NOMO1: variants seen among roughly 807,000 people sequenced by gnomAD.
NOMO1 encodes nodal modulator 3.
A neutral mutation model predicts 133.8 loss-of-function variants in NOMO1; 40 were observed. That is an observed-to-expected ratio of 0.30 (90% CI 0.23 to 0.39). The LOEUF is 0.39. NOMO1 is among the 10% of genes least tolerant of loss of function. The probability of loss-of-function intolerance (pLI) is 1.00; values close to 1 mark genes in which losing one functional copy is unlikely to be tolerated. For missense variants in NOMO1, 462 were observed against 1,419.9 expected, an observed-to-expected ratio of 0.33 and a Z score of 10.84; for synonymous variants, 236 against 570.5, an observed-to-expected ratio of 0.41 and a Z score of 8.36.
At chr16:14,837,116 C>CA (rs1286045594) in intron 1 of NOMO1, among the ~76,000 whole-genome samples, 1 of 151,968 alleles carries the variant, frequency 6.6e-6, no homozygotes, top group Non-Finnish European at 1.5e-5. Flanking sequence ...CTCCTGGCCT[C>CA]AAGCAGTCCT....
intron 1 of NOMO1, among the ~76,000 whole-genome samples, chr16:14,836,747 G>A (rs1400836749): frequency 7.1e-6 from 1 of 140,884 alleles, no homozygotes; most frequent in Non-Finnish European, 1.5e-5. Flanking sequence ...CGCCCAGGCC[G>A]GACTGCAGAC....
At chr16:14,838,537 A>G in intron 2 of NOMO1, 41 bp downstream of exon 2, 3 of 1,611,870 alleles carry the variant, frequency 1.9e-6, no homozygotes, top group Non-Finnish European at 2.5e-6. Flanking sequence ...GGAAATCACT[A>G]GTGTGCCTCA....
At position 14,860,223 on chromosome 16, in the gene NOMO1, C is replaced by T. The variant is rs570479572; in HGVS notation, c.1220+2568C>T. On this transcript the variant is annotated intron_variant, in intron 11 of 30. Coordinates refer to ENST00000287667, the MANE Select transcript of NOMO1 (RefSeq NM_014287.4). ...CTGTACTAAAGATACAAAAGGTTGGCGGGGCATGGTGATGCGCGCCTATAA... is the reference window on the plus strand; with the variant it reads ...CTGTACTAAAGATACAAAAGGTTGGTGGGGCATGGTGATGCGCGCCTATAA... Among the ~76,000 whole-genome samples the T allele has an allele frequency of 9.2e-5, 14 of 151,864 alleles. 1 individual carries two copies. The East Asian group carries it at 2.5e-3, about 27-fold the overall frequency.
At chr16:14,884,131 C>G (rs1366714893) in intron 26 of NOMO1, among the ~76,000 whole-genome samples, 1 of 150,750 alleles carries the variant, frequency 6.6e-6, no homozygotes, top group Non-Finnish European at 1.5e-5. Context: ...AACATGTTGG[C>G]AAGTAATTCA....
chr16:14,854,709 A>AT (rs1385522712), intron 9 of NOMO1, among the ~76,000 whole-genome samples: 1 of 126,082 alleles, frequency 7.9e-6, no homozygotes, highest in East Asian at 2.2e-4. Context: ...GTAGAAGGTG[A>AT]TAAGTGTTCT....
chr16:14,846,034 T>TC (rs1487752762), intron 4 of NOMO1, among the ~76,000 whole-genome samples: 1 of 143,628 alleles, frequency 7.0e-6, no homozygotes, highest in East Asian at 2.0e-4. Context: ...CTTTTTTTTT[T>TC]TTTTTTTTTT....
At chr16:14,874,540 C>T (rs1964126621) in intron 18 of NOMO1, among the ~76,000 whole-genome samples, 2 of 152,072 alleles carry the variant, frequency 1.3e-5, no homozygotes, top group Admixed American at 6.5e-5. Context: ...CCGGGCTCTC[C>T]GTCTTCCCAC....
rs1037383641 is a variant in NOMO1 at position 14,845,280 on chromosome 16, C to T, written c.402+506C>T. 2.3e-4 allele frequency among the ~76,000 whole-genome samples: 35 copies of T among 151,968 alleles called. 1 individual carries two copies. The highest frequency in any genetic ancestry group is 8.0e-4 in the African/African-American group (33 of 41,294). On this transcript the variant is annotated intron_variant, in intron 4 of 30. Coordinates refer to ENST00000287667, the MANE Select transcript of NOMO1 (RefSeq NM_014287.4). ...CTCAAACTCCTGACCTCAGGTGATC[C>T]GCCTGCCTCCACTTCCCATAGTGCT...
intron 28 of NOMO1, chr16:14,888,172 TC>T (rs1415950779): frequency 6.7e-6 from 1 of 149,394 alleles, no homozygotes; most frequent in African/African-American, 2.5e-5. Flanking sequence ...GGGTGACGTT[TC>T]CTCTCCTGGC....
intron 29 of NOMO1, among the ~76,000 whole-genome samples, chr16:14,891,536 T>C (rs1179372827): frequency 6.6e-6 from 1 of 152,078 alleles, no homozygotes; most frequent in African/African-American, 2.4e-5. Flanking sequence ...TGTGTTTTTT[T>C]CAGGCAGACT....
rs1239426787 is a variant in NOMO1, at chr16:14,857,733, T to C, written c.1220+78T>C. 117 of 1,599,308 alleles carry C rather than the reference T, an allele frequency of 7.3e-5. 2 individuals carry two copies. Among genetic ancestry groups the C allele is most frequent in the Non-Finnish European group, 9.6e-5 (112 of 1,170,474 alleles). On this transcript the variant is annotated intron_variant, in intron 11 of 30. Coordinates refer to ENST00000287667, the MANE Select transcript of NOMO1 (RefSeq NM_014287.4). ...GTAGAACCGAATGACCTGTGATCTG[T>C]GTGTCTTTGCCGAGCTTAAGAACTT...
intron 9 of NOMO1, among the ~76,000 whole-genome samples, chr16:14,856,785 G>C (rs1263224950): frequency 6.6e-6 from 1 of 151,970 alleles, no homozygotes; most frequent in Non-Finnish European, 1.5e-5. Context: ...ACCTTGCAGA[G>C]GTGGAATCCA....
At chr16:14,850,548 TAA>T in intron 6 of NOMO1, among the ~76,000 whole-genome samples, 1 of 150,864 alleles carries the variant, frequency 6.6e-6, no homozygotes, top group South Asian at 2.1e-4. Flanking sequence ...CAAATTGAAA[TAA>T]GACTTAAGGG....
chr16:14,868,663 G>T, intron 16 of NOMO1, 28 bp downstream of exon 16: 1 of 1,473,366 alleles, frequency 6.8e-7, no homozygotes, highest in Non-Finnish European at 9.4e-7. Context: ...GATGTGCCAT[G>T]AATTAGAAAA....
At chr16:14,886,613 T>C (rs1964327564) in intron 27 of NOMO1, 148 bp from the exon 28 acceptor site, 1 of 812,384 alleles carries the variant, frequency 1.2e-6, no homozygotes, top group African/African-American at 1.7e-5. Context: ...CAGAGGGATG[T>C]GTGATGTCTA....
intron 20 of NOMO1, among the ~76,000 whole-genome samples, chr16:14,876,149 A>G (rs1353112191): frequency 2.6e-4 from 28 of 109,710 alleles, no homozygotes; most frequent in Admixed American, 4.4e-4. Context: ...TTCTCTTGCT[A>G]AAGTCCTTCA....
At chr16:14,879,754 A>G (rs564196250) in intron 23 of NOMO1, among the ~76,000 whole-genome samples, 36 of 149,408 alleles carry the variant, frequency 2.4e-4, no homozygotes, top group East Asian at 7.8e-4. Context: ...AAAAAAAAAA[A>G]AAAAGAAAAG....
At position 14,843,715 on chromosome 16, in the gene NOMO1, TTGTGTG is replaced by T. The variant is rs59391735; in HGVS notation, c.302-936_302-931del. ...TTTTGCCCATTTTTTATTGGAGTCT[TTGTGTG>T]TGTGTGTGTGTGTGTGTGTGTGCAT... On this transcript the variant is annotated intron_variant, in intron 3 of 30. Transcript: ENST00000287667. 2.0e-3 allele frequency among the ~76,000 whole-genome samples: 256 copies of T among 125,980 alleles called. 1 individual carries two copies. Among genetic ancestry groups the T allele is most frequent in the Non-Finnish European group, 3.0e-3 (180 of 59,368 alleles). 82.6% of individuals were successfully genotyped at this position (125,980 alleles called of 152,430 possible). A position where few individuals can be genotyped will look rare whatever the true frequency, so the allele number is the denominator to read the frequency against.
intron 29 of NOMO1, among the ~76,000 whole-genome samples, chr16:14,893,076 T>C (rs980331725): frequency 9.9e-5 from 15 of 150,886 alleles, no homozygotes; most frequent in Admixed American, 9.3e-4. Context: ...ATGATCTCCA[T>C]GTCATAGTTG....
Sources: gnomAD v4.1 joint callset for allele counts (sites outside exome capture counted in the v4.1 genomes callset) on GRCh38, gnomAD v4.1.1 for gene constraint, MANE v1.5 for transcripts, NCBI Gene and HGNC (gene_info 2026-07-23, HGNC 2026-07-21) for gene names.